The following GALNT13 variants were observed in gnomAD, a reference collection of about 807,000 sequenced individuals.
The protein encoded by GALNT13 is UDP-GalNAc:polypeptide N-acetylgalactosaminyltransferase 13.
Under a neutral mutation model 64.2 loss-of-function variants are expected in GALNT13, and 28 were observed. The observed-to-expected ratio is 0.44, with a 90% CI of 0.32 to 0.60. GALNT13 has a LOEUF of 0.60. Ranked by LOEUF, GALNT13 falls within the 20% of genes least tolerant of loss-of-function variation. The pLI, the probability that GALNT13 is intolerant of heterozygous loss-of-function variation, is 0.05. For missense variants in GALNT13, 577 were observed against 669.8 expected, an observed-to-expected ratio of 0.86 and a Z score of 1.53; for synonymous variants, 214 against 224.6, an observed-to-expected ratio of 0.95 and a Z score of 0.42.
the GALNT13 span, among the ~76,000 whole-genome samples, chr2:153,664,218 C>A: frequency 1.3e-5 from 2 of 152,150 alleles, no homozygotes; most frequent in African/African-American, 4.8e-5. Context: ...TCTTCAACCA[C>A]GTAAGACAGA....
chr2:154,393,869 G>T (rs922870628), intron 9 of GALNT13, among the ~76,000 whole-genome samples: 1 of 151,372 alleles, frequency 6.6e-6, no homozygotes, highest in Non-Finnish European at 1.5e-5. Context: ...ACGAGGTCAG[G>T]AGATCGAGAC....
At chr2:154,279,858 T>C (rs1230299836) in intron 8 of GALNT13, among the ~76,000 whole-genome samples, 1 of 152,090 alleles carries the variant, frequency 6.6e-6, no homozygotes, top group East Asian at 1.9e-4. Context: ...TGTTTGTGGG[T>C]TTCTTGAATA....
chr2:153,217,366 T>C, the GALNT13 span, among the ~76,000 whole-genome samples: 1 of 152,230 alleles, frequency 6.6e-6, no homozygotes, highest in East Asian at 1.9e-4. Flanking sequence ...TGGTTTGTTG[T>C]GTGTCATTAA....
chr2:153,593,209 T>G, the GALNT13 span: 8 of 152,316 alleles, frequency 5.3e-5, no homozygotes, highest in African/African-American at 1.7e-4. Context: ...TCACCATCTG[T>G]AAACAGACTT....
chr2:154,014,295 G>T (rs1193577695), intron 3 of GALNT13, among the ~76,000 whole-genome samples: 1 of 152,094 alleles, frequency 6.6e-6, no homozygotes, highest in Non-Finnish European at 1.5e-5. Flanking sequence ...GTTTGTGGGG[G>T]TCCTGAGGTC....
At chr2:154,231,195 A>T (rs766944521) in intron 4 of GALNT13, among the ~76,000 whole-genome samples, 19 of 151,976 alleles carry the variant, frequency 1.3e-4, no homozygotes, top group Non-Finnish European at 2.1e-4. Context: ...TATTCCCCTT[A>T]TCTCATTCAA....
chr2:153,214,390 T>C, the GALNT13 span, among the ~76,000 whole-genome samples: 1 of 152,106 alleles, frequency 6.6e-6, no homozygotes, highest in African/African-American at 2.4e-5. Flanking sequence ...CAACTTGAAA[T>C]AGAAAAAGGA....
At chr2:153,222,342 G>T in the GALNT13 span, among the ~76,000 whole-genome samples, 3 of 127,026 alleles carry the variant, frequency 2.4e-5, no homozygotes, top group Non-Finnish European at 5.4e-5. Context: ...TGGGGGGGGG[G>T]GTTGGGCTTA....
chr2:154,430,221 A>G (rs1700650258), intron 11 of GALNT13, among the ~76,000 whole-genome samples: 1 of 152,228 alleles, frequency 6.6e-6, no homozygotes, highest in Non-Finnish European at 1.5e-5. Flanking sequence ...TGGGCAAAGT[A>G]AATTGAAAAC....
the GALNT13 span, among the ~76,000 whole-genome samples, chr2:153,783,147 T>G: frequency 1.3e-5 from 2 of 152,226 alleles, no homozygotes; most frequent in Non-Finnish European, 2.9e-5. Flanking sequence ...CAGTTCATAT[T>G]GATATAAATA....
At chr2:153,079,384 A>G in the GALNT13 span, among the ~76,000 whole-genome samples, 1 of 152,220 alleles carries the variant, frequency 6.6e-6, no homozygotes, top group Non-Finnish European at 1.5e-5. Flanking sequence ...TAGCAGTTAC[A>G]ATACAATTTA....
intron 9 of GALNT13, among the ~76,000 whole-genome samples, chr2:154,352,656 G>T (rs1446520024): frequency 1.3e-5 from 2 of 152,154 alleles, no homozygotes; most frequent in African/African-American, 4.8e-5. Context: ...CTCATAACTT[G>T]CCAACACCAC....
the GALNT13 span, among the ~76,000 whole-genome samples, chr2:153,519,943 G>A: frequency 6.6e-6 from 1 of 152,136 alleles, no homozygotes; most frequent in Non-Finnish European, 1.5e-5. Context: ...AATGTGGCCT[G>A]AAGATCTTCG....
At chr2:153,119,839 T>A in the GALNT13 span, among the ~76,000 whole-genome samples, 1 of 152,240 alleles carries the variant, frequency 6.6e-6, no homozygotes, top group Non-Finnish European at 1.5e-5. Context: ...AAGCTTCAGT[T>A]GTGAACTGTG....
At chr2:153,138,522 G>A in the GALNT13 span, among the ~76,000 whole-genome samples, 24,408 of 151,866 alleles carry the variant, frequency 0.16, 2,083 homozygotes, top group Middle Eastern at 0.19. Flanking sequence ...CAATATCATC[G>A]ATGTTTTTAT....
chr2:153,825,475 T>C, the GALNT13 span, among the ~76,000 whole-genome samples: 1 of 152,338 alleles, frequency 6.6e-6, no homozygotes, highest in African/African-American at 2.4e-5. Context: ...AAGTTATTAA[T>C]AGATTAGCGC....
chr2:153,750,001 C>T, the GALNT13 span, among the ~76,000 whole-genome samples: 1 of 151,828 alleles, frequency 6.6e-6, no homozygotes, highest in East Asian at 1.9e-4. Flanking sequence ...TATGTTCCTT[C>T]TATCTTCAGT....
chr2:153,197,986 A>G, the GALNT13 span, among the ~76,000 whole-genome samples: 1 of 151,748 alleles, frequency 6.6e-6, no homozygotes, highest in African/African-American at 2.4e-5. Flanking sequence ...GGTACACTGT[A>G]CCTCCCTTGG....
intron 9 of GALNT13, among the ~76,000 whole-genome samples, chr2:154,302,084 G>A (rs892500674): frequency 3.2e-4 from 48 of 151,768 alleles, no homozygotes; most frequent in African/African-American, 8.7e-4. Flanking sequence ...AGTAAACATA[G>A]GCTATCAGTG....
Sources: gnomAD v4.1 joint callset for allele counts (sites outside exome capture counted in the v4.1 genomes callset) on GRCh38, gnomAD v4.1.1 for gene constraint, MANE v1.5 for transcripts, NCBI Gene and HGNC (gene_info 2026-07-23, HGNC 2026-07-21) for gene names.